Variants in MBD5 observed in about 807,000 individuals in gnomAD.
MBD5 encodes methyl-CpG-binding domain protein 5.
A neutral mutation model predicts 117.3 loss-of-function variants in MBD5; 13 were observed. That is an observed-to-expected ratio of 0.11 (90% confidence interval 0.07 to 0.18). The LOEUF (loss-of-function observed/expected upper bound fraction) is 0.18. Ranked by LOEUF, MBD5 falls within the 10% of genes least tolerant of loss-of-function variation. MBD5 has a pLI of 1.00. For synonymous variants in MBD5, 727 were observed against 766.4 expected (o/e 0.95, Z 0.85); for missense variants, 1,879 against 2,093.8 (o/e 0.90, Z 2.00).
At chr2:148,170,376 TAAAAC>T (rs1464082348) in intron 1 of MBD5, among the ~76,000 whole-genome samples, 2 of 152,222 alleles carry the variant, frequency 1.3e-5, no homozygotes, top group African/African-American at 4.8e-5. Flanking sequence ...AAACAGTTGA[TAAAAC>T]AAATCTGTGG....
intron 1 of MBD5, among the ~76,000 whole-genome samples, chr2:148,036,897 A>G (rs1323512614): frequency 6.6e-6 from 1 of 152,046 alleles, no homozygotes; most frequent in African/African-American, 2.4e-5. Context: ...TGTGTAACTC[A>G]TAAGTTTAAG....
At chr2:148,120,613 A>G (rs903827733) in intron 1 of MBD5, among the ~76,000 whole-genome samples, 4 of 152,142 alleles carry the variant, frequency 2.6e-5, no homozygotes, top group African/African-American at 9.7e-5. Context: ...CATATTGTTA[A>G]CTTTGTATAT....
intron 1 of MBD5, among the ~76,000 whole-genome samples, chr2:148,145,733 T>G (rs1380874321): frequency 1.3e-5 from 2 of 152,200 alleles, no homozygotes; most frequent in Non-Finnish European, 2.9e-5. Flanking sequence ...TTGGTCTGCT[T>G]ATGTGATGGA....
intron 1 of MBD5, among the ~76,000 whole-genome samples, chr2:148,091,340 G>A (rs907714278): frequency 7.2e-5 from 11 of 151,882 alleles, no homozygotes; most frequent in East Asian, 1.9e-4. Context: ...AAAAGAACCC[G>A]CATAGCCAAA....
chr2:148,360,276 C>G lies in MBD5; in HGVS notation c.-557+17940C>G, dbSNP rs556446533. Among the ~76,000 whole-genome samples, 11 of 152,236 alleles carry G rather than the reference C, an allele frequency of 7.2e-5. No homozygotes were observed. The South Asian group carries it at 2.3e-3, about 32-fold the overall frequency. ...AGCTGTAGTTTCTGATTACCTCTAA[C>G]TACTGCTGGATTTTTCCCTAAAGTG... On this transcript the variant is annotated intron_variant, in intron 4 of 13. Transcript: ENST00000642680.
chr2:148,305,093 G>A (rs568141628), intron 3 of MBD5, among the ~76,000 whole-genome samples: 28 of 151,890 alleles, frequency 1.8e-4, no homozygotes, highest in African/African-American at 6.8e-4. Flanking sequence ...TAAAATAAAA[G>A]GCAGGCCATT....
intron 1 of MBD5, among the ~76,000 whole-genome samples, chr2:148,120,194 C>T (rs930850058): frequency 2.0e-5 from 3 of 152,160 alleles, no homozygotes; most frequent in African/African-American, 4.8e-5. Context: ...GATTACAGTA[C>T]TCCGCACCTG....
chr2:148,410,354 T>C (rs1342298196), intron 4 of MBD5, among the ~76,000 whole-genome samples: 1 of 152,222 alleles, frequency 6.6e-6, no homozygotes, highest in Non-Finnish European at 1.5e-5. Flanking sequence ...AGTCTGTCCA[T>C]ATGTACTGTC....
chr2:148,304,926 G>A (rs1293693830), intron 3 of MBD5, among the ~76,000 whole-genome samples: 10 of 151,376 alleles, frequency 6.6e-5, no homozygotes, highest in African/African-American at 1.9e-4. Context: ...TTAGCCGGGC[G>A]TAGTGGCGGG....
chr2:148,119,756 T>G (rs916324019), intron 1 of MBD5, among the ~76,000 whole-genome samples: 1 of 152,160 alleles, frequency 6.6e-6, no homozygotes, highest in Non-Finnish European at 1.5e-5. Context: ...TTATTGAAGG[T>G]GATTCTTCTG....
intron 3 of MBD5, among the ~76,000 whole-genome samples, chr2:148,327,749 T>G (rs1272547703): frequency 6.6e-6 from 1 of 152,098 alleles, no homozygotes; most frequent in Non-Finnish European, 1.5e-5. Flanking sequence ...TCTTTTAAAT[T>G]TTTTTCAAAG....
chr2:148,318,876 C>T (rs138911971), intron 3 of MBD5, among the ~76,000 whole-genome samples: 7 of 152,140 alleles, frequency 4.6e-5, no homozygotes, highest in South Asian at 2.1e-4. Flanking sequence ...CCATCATGCC[C>T]GGCTAATTCT....
At chr2:148,155,736 A>G (rs187204890) in intron 1 of MBD5, among the ~76,000 whole-genome samples, 121 of 152,340 alleles carry the variant, frequency 7.9e-4, no homozygotes, top group African/African-American at 2.8e-3. Flanking sequence ...TTGTGGATAT[A>G]ATGGTTATTA....
chr2:148,482,134 AG>A (rs1450661888), intron 8 of MBD5, among the ~76,000 whole-genome samples: 1 of 152,174 alleles, frequency 6.6e-6, no homozygotes, highest in African/African-American at 2.4e-5. Flanking sequence ...ACTTCACAGG[AG>A]GGTAGTTTGA....
At chr2:148,255,832 T>C (rs1027310735) in intron 3 of MBD5, among the ~76,000 whole-genome samples, 8 of 152,222 alleles carry the variant, frequency 5.3e-5, no homozygotes, top group Admixed American at 5.2e-4. Context: ...AGCTTGCAGG[T>C]TGTATGGCAC....
intron 3 of MBD5, among the ~76,000 whole-genome samples, chr2:148,285,728 A>AT (rs1031973453): frequency 7.9e-5 from 12 of 151,100 alleles, no homozygotes; most frequent in African/African-American, 2.4e-4. Flanking sequence ...AATTCACCGC[A>AT]TTTTTTTTTA....
chr2:148,267,312 A>G (rs1700881577), intron 3 of MBD5, among the ~76,000 whole-genome samples: 1 of 152,224 alleles, frequency 6.6e-6, no homozygotes, highest in African/African-American at 2.4e-5. Context: ...TGAATTGTTA[A>G]TAGAGTTGTG....
intron 4 of MBD5, among the ~76,000 whole-genome samples, chr2:148,444,959 A>G (rs1287624239): frequency 6.6e-6 from 1 of 150,958 alleles, no homozygotes. Flanking sequence ...TTATTATATC[A>G]GGATTATATA....
chr2:148,102,317 C>T (rs1021512867), intron 1 of MBD5, among the ~76,000 whole-genome samples: 2 of 152,098 alleles, frequency 1.3e-5, no homozygotes, highest in Non-Finnish European at 2.9e-5. Context: ...AAACAAAAAA[C>T]CTAGTTTAAG....
Sources: allele counts gnomAD v4.1 joint callset (sites outside exome capture counted in the v4.1 genomes callset), GRCh38; gene constraint gnomAD v4.1.1; transcripts MANE v1.5; gene names NCBI Gene and HGNC (gene_info 2026-07-23, HGNC 2026-07-21).